IRF2: variants seen among roughly 807,000 people sequenced by gnomAD.
IRF2 encodes the protein interferon regulatory factor 2.
IRF2 carries 15 observed loss-of-function variants against 40.6 expected under a neutral mutation model. That is an observed-to-expected ratio of 0.37 (90% CI 0.25 to 0.57). IRF2 has a LOEUF of 0.57. Ranked by LOEUF, IRF2 falls within the 20% of genes least tolerant of loss-of-function variation. IRF2 has a pLI of 0.77. For synonymous variants in IRF2, 151 were observed against 165.5 expected, an observed-to-expected ratio of 0.91 and a Z score of 0.67; for missense variants, 317 against 455.7, an observed-to-expected ratio of 0.70 and a Z score of 2.77.
At chr4:184,411,195 T>A (rs189337271) in intron 5 of IRF2, among the ~76,000 whole-genome samples, 1 of 151,974 alleles carries the variant, frequency 6.6e-6, no homozygotes, top group South Asian at 2.1e-4. Flanking sequence ...GTAGCTGGGA[T>A]TACAGGTGCC....
At position 184,426,657 on chromosome 4, in the gene IRF2, G is replaced by A. The variant is rs572959325; in HGVS notation, c.87+2321C>T. On this transcript the variant is annotated intron_variant, in intron 2 of 8. Coordinates refer to ENST00000393593, the MANE Select transcript of IRF2 (RefSeq NM_002199.4). ...CTACAGCACCAAGAAGGGACTAATG[G>A]TTAGTCTAAACCAACCACAGCGGTC... 3.3e-5 allele frequency among the ~76,000 whole-genome samples: 5 copies of A among 152,340 alleles called. No individual in the cohort carries two copies. In the East Asian group the frequency reaches 9.7e-4, roughly 29 times the overall value.
At chr4:184,405,448 T>C (rs1223546217) in intron 6 of IRF2, among the ~76,000 whole-genome samples, 2 of 152,132 alleles carry the variant, frequency 1.3e-5, no homozygotes, top group African/African-American at 4.8e-5. Context: ...CCAACCTCAC[T>C]GTCTCTATGA....
intron 1 of IRF2, among the ~76,000 whole-genome samples, chr4:184,467,708 A>G (rs1480653346): frequency 6.6e-6 from 1 of 152,240 alleles, no homozygotes; most frequent in Non-Finnish European, 1.5e-5. Flanking sequence ...AAGAACAATT[A>G]AAATGTACAC....
intron 2 of IRF2, among the ~76,000 whole-genome samples, chr4:184,427,768 C>CT (rs1405475688): frequency 1.3e-5 from 2 of 152,202 alleles, no homozygotes; most frequent in Non-Finnish European, 2.9e-5. Flanking sequence ...AAAAATTATA[C>CT]TGCAATATCC....
chr4:184,429,563 G>C (rs894053623), intron 1 of IRF2, among the ~76,000 whole-genome samples: 7 of 152,122 alleles, frequency 4.6e-5, no homozygotes, highest in African/African-American at 1.4e-4. Context: ...AACATTTAAA[G>C]CTCGAAAGGA....
chr4:184,393,604 C>A (rs765333719), intron 7 of IRF2, among the ~76,000 whole-genome samples: 2 of 152,160 alleles, frequency 1.3e-5, no homozygotes, highest in Non-Finnish European at 2.9e-5. Context: ...TTTTCAGCTT[C>A]GGGGAAATAG....
At chr4:184,453,649 A>G (rs1200276470) in intron 1 of IRF2, among the ~76,000 whole-genome samples, 1 of 152,206 alleles carries the variant, frequency 6.6e-6, no homozygotes, top group African/African-American at 2.4e-5. Context: ...CAGACACTGG[A>G]GACGTAACAG....
chr4:184,408,811 C>T lies in IRF2; in HGVS notation c.412-536G>A, dbSNP rs1048003210. 5.3e-5 allele frequency among the ~76,000 whole-genome samples: 8 copies of T among 152,194 alleles called. No individual in the cohort carries two copies. The highest frequency in any genetic ancestry group is 1.7e-4 in the African/African-American group (7 of 41,436). On this transcript the variant is annotated intron_variant, in intron 5 of 8. Transcript: ENST00000393593. This position sits in a 1 kb window ranked among gnomAD's most constrained non-coding sequence, Gnocchi z 4.9. Reference sequence around the variant, plus strand: ...GCCATGGCCTCTGGCCACCTGAGGCCCTGCATTGGATGGCTGGCTGATCAC... The same window carrying T: ...GCCATGGCCTCTGGCCACCTGAGGCTCTGCATTGGATGGCTGGCTGATCAC...
chr4:184,421,287 C>A (rs1330567110), intron 2 of IRF2, among the ~76,000 whole-genome samples: 1 of 152,158 alleles, frequency 6.6e-6, no homozygotes, highest in Non-Finnish European at 1.5e-5. Flanking sequence ...ATTCTACCAT[C>A]TTCTAAAAAG....
rs758271782 is a variant in IRF2, at chr4:184,388,623, C to A, written c.*135G>T. ...GCTCCAGTACTGGAGTTGGACACAG[C>A]AATCAATGTTCTATTGTCAAGGCTT... On this transcript the variant is annotated 3_prime_UTR_variant, in exon 9 of 9. Coordinates refer to ENST00000393593, the MANE Select transcript of IRF2 (RefSeq NM_002199.4). This position sits in a 1 kb window ranked among gnomAD's most constrained non-coding sequence, Gnocchi z 4.6. 5 of 878,760 alleles carry A rather than the reference C, an allele frequency of 5.7e-6. No individual in the cohort carries two copies. Among genetic ancestry groups the A allele is most frequent in the Non-Finnish European group, 8.8e-6 (5 of 567,138 alleles). The allele number at this position is 878,760 out of a possible 1,614,324, so 54.4% of individuals were successfully genotyped here.
intron 1 of IRF2, chr4:184,432,098 C>A (rs1349189737): frequency 6.6e-6 from 1 of 152,148 alleles, no homozygotes; most frequent in East Asian, 1.9e-4. Flanking sequence ...GACAAAAAAC[C>A]CAACTTTCTG....
chr4:184,472,461 T>TGACAGCAGTCTC (rs1053948600), intron 1 of IRF2: 11 of 152,004 alleles, frequency 7.2e-5, no homozygotes, highest in African/African-American at 2.4e-4. Context: ...ACTGCAGGCT[T>TGACAGCAGTCTC]GACAGCAGTC....
chr4:184,442,940 T>C (rs147174466), intron 1 of IRF2, among the ~76,000 whole-genome samples: 4,669 of 151,642 alleles, frequency 0.031, 232 homozygotes, highest in African/African-American at 0.1. Flanking sequence ...TTTTGTTTTG[T>C]TTGAGACAGA....
intron 2 of IRF2, 132 bp downstream of exon 2, chr4:184,428,846 T>G: frequency 1.3e-6 from 1 of 766,680 alleles, no homozygotes; most frequent in Non-Finnish European, 2.3e-6. Flanking sequence ...TTTATGATCA[T>G]TTTGGGTTGG....
chr4:184,406,484 T>C (rs1182238038), intron 6 of IRF2, among the ~76,000 whole-genome samples: 1 of 152,128 alleles, frequency 6.6e-6, no homozygotes, highest in Non-Finnish European at 1.5e-5. Flanking sequence ...CACCTCGGCC[T>C]CCCAAAGTGC....
At chr4:184,459,620 G>A (rs765591234) in intron 1 of IRF2, among the ~76,000 whole-genome samples, 1 of 152,154 alleles carries the variant, frequency 6.6e-6, no homozygotes, top group East Asian at 1.9e-4. Context: ...ACTTACTAGT[G>A]TGTCATTTTC....
intron 4 of IRF2, 73 bp downstream of exon 4, chr4:184,418,459 T>C (rs1737359168): frequency 2.2e-6 from 3 of 1,372,620 alleles, no homozygotes; most frequent in Admixed American, 1.7e-5. Flanking sequence ...ACTGCAGATG[T>C]AGAAATGAAG....
At chr4:184,450,266 GATA>G (rs1311945155) in intron 1 of IRF2, among the ~76,000 whole-genome samples, 2 of 152,218 alleles carry the variant, frequency 1.3e-5, no homozygotes, top group East Asian at 3.8e-4. Flanking sequence ...AATGAGTCAT[GATA>G]ATAACTTTCA....
chr4:184,418,250 G>A (rs371000274), intron 4 of IRF2, 37 bp from the exon 5 acceptor site: 77 of 1,476,714 alleles, frequency 5.2e-5, no homozygotes, highest in Non-Finnish European at 6.4e-5. Context: ...ATTAATTCAC[G>A]AAGGGCCTCC....
Sources: allele counts gnomAD v4.1 joint callset (sites outside exome capture counted in the v4.1 genomes callset), GRCh38; gene constraint gnomAD v4.1.1; non-coding constraint Gnocchi (gnomAD v3.1); transcripts MANE v1.5; gene names NCBI Gene and HGNC (gene_info 2026-07-23, HGNC 2026-07-21).